SAMTOR: variants seen among roughly 807,000 people sequenced by gnomAD.
SAMTOR encodes UPF0532 protein C7orf60.
chr7:112,843,550 G>A, the SAMTOR span, among the ~76,000 whole-genome samples: 6 of 151,914 alleles, frequency 3.9e-5, no homozygotes, highest in Admixed American at 2.0e-4. Flanking sequence ...AGAAGAGACC[G>A]ATAAATTCCT....
chr7:112,879,483 C>T, the SAMTOR span, among the ~76,000 whole-genome samples: 1 of 151,910 alleles, frequency 6.6e-6, no homozygotes, highest in South Asian at 2.1e-4. Context: ...ATCGCAGTGA[C>T]AGAAGAAAGA....
chr7:112,857,681 G>T, the SAMTOR span, among the ~76,000 whole-genome samples: 1,623 of 152,172 alleles, frequency 0.011, 30 homozygotes, highest in African/African-American at 0.037. Flanking sequence ...AGAAGAAAAG[G>T]TACCCCCAGC....
At chr7:112,889,856 T>C in the SAMTOR span, among the ~76,000 whole-genome samples, 1 of 152,126 alleles carries the variant, frequency 6.6e-6, no homozygotes, top group African/African-American at 2.4e-5. Context: ...AGGACAGGAC[T>C]CGTTAAAAAA....
At chr7:112,919,976 G>C in the SAMTOR span, among the ~76,000 whole-genome samples, 1 of 152,018 alleles carries the variant, frequency 6.6e-6, no homozygotes, top group East Asian at 1.9e-4. Context: ...CAACCAAAAA[G>C]AGTCCAGGAC....
At chr7:112,889,812 C>G in the SAMTOR span, among the ~76,000 whole-genome samples, 554 of 152,266 alleles carry the variant, frequency 3.6e-3, 2 homozygotes, top group Non-Finnish European at 4.9e-3. Context: ...CTCACCACCC[C>G]CAACCCCTGC....
the SAMTOR span, among the ~76,000 whole-genome samples, chr7:112,900,042 T>A: frequency 6.6e-6 from 1 of 152,078 alleles, no homozygotes; most frequent in Non-Finnish European, 1.5e-5. Flanking sequence ...CAGAATACTC[T>A]AAAACTGTAA....
chr7:112,927,671 C>T, the SAMTOR span, among the ~76,000 whole-genome samples: 5 of 151,906 alleles, frequency 3.3e-5, no homozygotes, highest in Non-Finnish European at 5.9e-5. Context: ...TGGGTACACA[C>T]GTTTTACTTT....
At chr7:112,867,664 C>G in the SAMTOR span, among the ~76,000 whole-genome samples, 1 of 152,104 alleles carries the variant, frequency 6.6e-6, no homozygotes. Flanking sequence ...ATGGATAAAT[C>G]ATAAAACATG....
At chr7:112,856,521 ATTAC>A in the SAMTOR span, among the ~76,000 whole-genome samples, 4 of 152,172 alleles carry the variant, frequency 2.6e-5, no homozygotes, top group Non-Finnish European at 5.9e-5. Flanking sequence ...AAGTGCTGGG[ATTAC>A]TTATTTACTT....
chr7:112,904,135 T>C, the SAMTOR span, among the ~76,000 whole-genome samples: 2 of 152,136 alleles, frequency 1.3e-5, no homozygotes, highest in East Asian at 1.9e-4. Context: ...AACAGGGACT[T>C]TCCACTTTCA....
chr7:112,934,856 C>T, the SAMTOR span, among the ~76,000 whole-genome samples: 81 of 152,244 alleles, frequency 5.3e-4, no homozygotes, highest in Non-Finnish European at 7.5e-4. Flanking sequence ...GCCCCTAAAA[C>T]GATACCTTGT....
chr7:112,850,203 A>AAAC, the SAMTOR span, among the ~76,000 whole-genome samples: 1 of 150,160 alleles, frequency 6.7e-6, no homozygotes, highest in Admixed American at 6.6e-5. Flanking sequence ...CTCCGTCTCA[A>AAAC]AACAACAACA....
the SAMTOR span, among the ~76,000 whole-genome samples, chr7:112,870,936 G>A: frequency 6.6e-6 from 1 of 151,940 alleles, no homozygotes; most frequent in African/African-American, 2.4e-5. Context: ...GCACAGAGAA[G>A]GGCACTACAT....
At chr7:112,914,176 A>G in the SAMTOR span, among the ~76,000 whole-genome samples, 10 of 152,274 alleles carry the variant, frequency 6.6e-5, no homozygotes, top group East Asian at 1.9e-3. Context: ...TTGAATAAAA[A>G]TGGAAAGAAA....
chr7:112,874,932 T>A, the SAMTOR span, among the ~76,000 whole-genome samples: 1 of 152,144 alleles, frequency 6.6e-6, no homozygotes, highest in Non-Finnish European at 1.5e-5. Flanking sequence ...TTAGGTCACA[T>A]AACCTGATAA....
the SAMTOR span, among the ~76,000 whole-genome samples, chr7:112,874,514 A>G: frequency 6.6e-6 from 1 of 152,108 alleles, no homozygotes; most frequent in African/African-American, 2.4e-5. Flanking sequence ...GTAGGAGGGT[A>G]AGGGATAAAA....
chr7:112,851,484 T>C, the SAMTOR span, among the ~76,000 whole-genome samples: 1 of 152,112 alleles, frequency 6.6e-6, no homozygotes, highest in Non-Finnish European at 1.5e-5. Context: ...GAAAACTGGA[T>C]AGCCATATAC....
At chr7:112,938,236 T>C in the SAMTOR span, among the ~76,000 whole-genome samples, 1 of 152,308 alleles carries the variant, frequency 6.6e-6, no homozygotes, top group African/African-American at 2.4e-5. Context: ...TTGGGTAGCA[T>C]TCTTTCAAAA....
the SAMTOR span, chr7:112,821,712 GC>G: frequency 1.3e-6 from 2 of 1,545,970 alleles, no homozygotes; most frequent in Non-Finnish European, 1.7e-6. Context: ...TAGTTTAGGA[GC>G]CTGGACTGAA....
Sources: gnomAD v4.1 joint callset for allele counts (sites outside exome capture counted in the v4.1 genomes callset) on GRCh38, gnomAD v4.1.1 for gene constraint, MANE v1.5 for transcripts, NCBI Gene and HGNC (gene_info 2026-07-23, HGNC 2026-07-21) for gene names.